The following ATP6V1C2 variants were observed in gnomAD, a reference collection of about 807,000 sequenced individuals.
ATP6V1C2 encodes ATPase H+ transporting V1 subunit C2, also known as V-type proton ATPase subunit C 2.
ATP6V1C2 carries 45 observed loss-of-function variants against 56.8 expected under a neutral mutation model. The observed-to-expected ratio is 0.79, with a 90% CI of 0.62 to 1.02. ATP6V1C2 has a LOEUF of 1.02. Ranked by LOEUF, ATP6V1C2 falls within the 50% of genes least tolerant of loss-of-function variation. ATP6V1C2 has a pLI of 0.00. For synonymous variants in ATP6V1C2, 220 were observed against 201.3 expected (o/e 1.09, Z -0.79); for missense variants, 463 against 519.7 (o/e 0.89, Z 1.06).
In ATP6V1C2 at chr2:10,729,127, C is replaced by CA. The variant is rs569247167; in HGVS notation, c.197+2570dup. ...CCTGGGACAGAGCAAGACTTTGTCTCAAAAAAAAAAAATATTACAAATCTG... is the reference window on the plus strand; with the variant it reads ...CCTGGGACAGAGCAAGACTTTGTCTCAAAAAAAAAAAAATATTACAAATCTG... On this transcript the variant is annotated intron_variant, in intron 3 of 13. Coordinates refer to ENST00000272238, the MANE Select transcript of ATP6V1C2 (RefSeq NM_001039362.2). Among the ~76,000 whole-genome samples, 825 of 132,824 alleles carry CA rather than the reference C, an allele frequency of 6.2e-3. 10 individuals carry two copies. The highest frequency in any genetic ancestry group is 0.019 in the African/African-American group (650 of 35,124). 87.1% of individuals were successfully genotyped at this position (132,824 alleles called of 152,430 possible). A position where few individuals can be genotyped will look rare whatever the true frequency, so the allele number is the denominator to read the frequency against.
chr2:10,757,843 G>A (rs1558407805), intron 4 of ATP6V1C2, among the ~76,000 whole-genome samples: 2 of 152,186 alleles, frequency 1.3e-5, no homozygotes, highest in Non-Finnish European at 2.9e-5. Flanking sequence ...TAAACTCCAG[G>A]CTTCACTTTG....
intron 1 of ATP6V1C2, 64 bp from the exon 2 acceptor site, chr2:10,722,760 G>T (rs888769264): frequency 1.5e-5 from 23 of 1,525,406 alleles, no homozygotes; most frequent in Admixed American, 5.4e-5. Flanking sequence ...GTGGTGAGGC[G>T]GGGATATCTG....
intron 7 of ATP6V1C2, 87 bp downstream of exon 7, chr2:10,772,024 G>C (rs1197201771): frequency 1.1e-5 from 13 of 1,175,426 alleles, no homozygotes; most frequent in Non-Finnish European, 1.6e-5. Flanking sequence ...GTGTGGACGA[G>C]GATGCTCCCT....
At chr2:10,727,593 T>C (rs938622078) in intron 3 of ATP6V1C2, among the ~76,000 whole-genome samples, 6 of 151,626 alleles carry the variant, frequency 4.0e-5, no homozygotes, top group Admixed American at 4.0e-4. Context: ...AAAAAGGATA[T>C]ATATAGTGAA....
rs143314272 is a variant in ATP6V1C2 at position 10,773,753 on chromosome 2, C to T, written c.639-1035C>T. On this transcript the variant is annotated intron_variant, in intron 8 of 13. Coordinates refer to ENST00000272238, the MANE Select transcript of ATP6V1C2 (RefSeq NM_001039362.2). ...TGTAATTTGAAGAGGTTTTAGAATGCGCGTCAGGCAGCCAGCCTGTTCATC... is the reference window on the plus strand; with the variant it reads ...TGTAATTTGAAGAGGTTTTAGAATGTGCGTCAGGCAGCCAGCCTGTTCATC... 9.2e-5 allele frequency among the ~76,000 whole-genome samples: 14 copies of T among 152,322 alleles called. No homozygotes were observed. In the East Asian group the frequency reaches 2.1e-3, roughly 23 times the overall value.
intron 3 of ATP6V1C2, among the ~76,000 whole-genome samples, chr2:10,750,027 CAAT>C (rs1180709732): frequency 1.3e-5 from 2 of 152,176 alleles, no homozygotes; most frequent in Non-Finnish European, 2.9e-5. Context: ...AGTTCCCTTT[CAAT>C]GAGAAAAATT....
At chr2:10,762,025 G>A (rs757443066) in intron 4 of ATP6V1C2, among the ~76,000 whole-genome samples, 14 of 152,234 alleles carry the variant, frequency 9.2e-5, no homozygotes, top group Non-Finnish European at 1.3e-4. Flanking sequence ...CCTGCAGGGC[G>A]TTAGGTGCTT....
Position 10,783,332 on chromosome 2 carries a change from A to G in ATP6V1C2, c.*69A>G. On this transcript the variant is annotated 3_prime_UTR_variant, in exon 14 of 14. Coordinates refer to ENST00000272238, the MANE Select transcript of ATP6V1C2 (RefSeq NM_001039362.2). ...ACAGACACCTCTTTCCTTTAGCCAG[A>G]GAATGGTTCAAATGTCTTACAGAAC... The G allele has an allele frequency of 1.9e-6, 2 of 1,070,648 alleles. No homozygotes were observed. The highest frequency in any genetic ancestry group is 1.4e-6 in the Non-Finnish European group (1 of 700,998). 66.3% of individuals were successfully genotyped at this position (1,070,648 alleles called of 1,614,324 possible). A position where few individuals can be genotyped will look rare whatever the true frequency, so the allele number is the denominator to read the frequency against.
At chr2:10,778,778 C>T (rs1358291648) in intron 12 of ATP6V1C2, 109 bp downstream of exon 12, 1 of 1,017,348 alleles carries the variant, frequency 9.8e-7, no homozygotes, top group Non-Finnish European at 1.5e-6. Context: ...CACCCGTCTC[C>T]TTTCTGAGAC....
At chr2:10,769,116 G>A in intron 6 of ATP6V1C2, among the ~76,000 whole-genome samples, 1 of 152,248 alleles carries the variant, frequency 6.6e-6, no homozygotes, top group East Asian at 1.9e-4. Context: ...GTCCTCCCCT[G>A]TGGAGGCTGC....
At chr2:10,774,713 G>A in intron 8 of ATP6V1C2, 75 bp from the exon 9 acceptor site, 1 of 1,330,342 alleles carries the variant, frequency 7.5e-7, no homozygotes, top group South Asian at 1.2e-5. Context: ...AGGCCACCAG[G>A]CCCGGGGCCT....
chr2:10,760,596 C>T (rs1355595508), intron 4 of ATP6V1C2, among the ~76,000 whole-genome samples: 1 of 152,240 alleles, frequency 6.6e-6, no homozygotes, highest in Non-Finnish European at 1.5e-5. Context: ...TAATCTCAGA[C>T]TTCCCTGAGC....
intron 3 of ATP6V1C2, among the ~76,000 whole-genome samples, chr2:10,752,351 C>T (rs939679304): frequency 1.1e-4 from 16 of 152,134 alleles, no homozygotes; most frequent in Non-Finnish European, 1.9e-4. Flanking sequence ...GGCCTCTGGG[C>T]TCCGGTCTGA....
intron 3 of ATP6V1C2, among the ~76,000 whole-genome samples, chr2:10,735,523 G>A (rs1236972134): frequency 6.6e-6 from 1 of 151,958 alleles, no homozygotes; most frequent in South Asian, 2.1e-4. Flanking sequence ...TCTATGCACA[G>A]CTTTGGGCTG....
chr2:10,757,071 G>A (rs2148465932), intron 4 of ATP6V1C2, among the ~76,000 whole-genome samples: 1 of 135,566 alleles, frequency 7.4e-6, no homozygotes. Flanking sequence ...GGAGTGCAGT[G>A]GCGCGATCTC....
intron 3 of ATP6V1C2, among the ~76,000 whole-genome samples, chr2:10,728,399 T>G (rs1347783442): frequency 6.6e-6 from 1 of 152,240 alleles, no homozygotes; most frequent in East Asian, 1.9e-4. Flanking sequence ...ATTAATTTTG[T>G]ACAAATGATA....
intron 5 of ATP6V1C2, among the ~76,000 whole-genome samples, chr2:10,767,159 C>CTTTTTTTTT (rs33943682): frequency 3.7e-5 from 4 of 109,308 alleles, no homozygotes; most frequent in African/African-American, 7.0e-5. Flanking sequence ...CATTTTTTAT[C>CTTTTTTTTT]TTTTTTTTTT....
At chr2:10,782,879 G>C (rs1383351039) in intron 13 of ATP6V1C2, among the ~76,000 whole-genome samples, 1 of 149,814 alleles carries the variant, frequency 6.7e-6, no homozygotes, top group Non-Finnish European at 1.5e-5. Context: ...CAGGAGTGGT[G>C]GTGCATGCCT....
At chr2:10,743,198 C>T (rs1662663754) in intron 3 of ATP6V1C2, among the ~76,000 whole-genome samples, 1 of 152,142 alleles carries the variant, frequency 6.6e-6, no homozygotes, top group Non-Finnish European at 1.5e-5. Flanking sequence ...CTCACTGCAA[C>T]CAGCCTCACC....
Sources: gnomAD v4.1 joint callset for allele counts (sites outside exome capture counted in the v4.1 genomes callset) on GRCh38, gnomAD v4.1.1 for gene constraint, MANE v1.5 for transcripts, NCBI Gene and HGNC (gene_info 2026-07-23, HGNC 2026-07-21) for gene names.